The following HACL1 variants were observed in gnomAD, a reference collection of about 807,000 sequenced individuals.
The protein encoded by HACL1 is 1600020H07Rik.
Under a neutral mutation model 74.2 loss-of-function variants are expected in HACL1, and 64 were observed. That is an observed-to-expected ratio of 0.86 (90% CI 0.70 to 1.06). The LOEUF (loss-of-function observed/expected upper bound fraction) is 1.06. Ranked by LOEUF, HACL1 falls within the 50% of genes least tolerant of loss-of-function variation. HACL1 has a pLI of 0.00. For missense variants in HACL1, 728 were observed against 719.7 expected, an observed-to-expected ratio of 1.01 and a Z score of -0.13; for synonymous variants, 230 against 238.8, an observed-to-expected ratio of 0.96 and a Z score of 0.34.
intron 15 of HACL1, among the ~76,000 whole-genome samples, chr3:15,563,977 A>C (rs9834730): frequency 0.028 from 4,220 of 152,346 alleles, 203 homozygotes; most frequent in African/African-American, 0.094. Context: ...AAAACATGAA[A>C]AAAAAAGATT....
Position 15,567,842 on chromosome 3 carries a change from AC to A in HACL1, c.1409+1del, listed in dbSNP as rs778989081. 4 of 1,612,278 alleles carry A rather than the reference AC, an allele frequency of 2.5e-6. No homozygotes were observed. The South Asian group carries it at 4.4e-5, about 18-fold the overall frequency. The stretch of plus-strand genomic sequence containing the variant: ...ATGCTCTGATTCAGGATGATGTTTT[AC>A]CTGCAGATGGTTTCTACCTCCATGC... On this transcript the variant is annotated splice_donor_variant, in intron 14 of 16. Coordinates refer to ENST00000321169, the MANE Select transcript of HACL1 (RefSeq NM_012260.4). LOFTEE classifies it high-confidence loss of function.
chr3:15,583,638 C>CTT (rs562864590), intron 7 of HACL1, among the ~76,000 whole-genome samples: 1 of 143,874 alleles, frequency 7.0e-6, no homozygotes, highest in East Asian at 2.0e-4. Flanking sequence ...CCACATTTCT[C>CTT]TTTTTTTTTT....
chr3:15,585,435 T>A, intron 6 of HACL1, 93 bp from the exon 7 acceptor site: 1 of 746,234 alleles, frequency 1.3e-6, no homozygotes, highest in Non-Finnish European at 2.3e-6. Context: ...AATGAACACT[T>A]TTCATTTTTC....
intron 9 of HACL1, among the ~76,000 whole-genome samples, chr3:15,576,908 C>T (rs1277015231): frequency 1.3e-5 from 2 of 152,122 alleles, no homozygotes; most frequent in African/African-American, 4.8e-5. Flanking sequence ...AAACAGATAA[C>T]TGCAATCAGC....
rs1173923360 is a variant in HACL1 at position 15,601,366 on chromosome 3, A to G, written c.81+17T>C. ...AGCTTCCGTAGGAGCCTTTCATTCC[A>G]GGAAGGTCCATCGTACTTGCGTTTT... On this transcript the variant is annotated intron_variant, in intron 1 of 16. Transcript: ENST00000321169. The G allele has an allele frequency of 1.9e-6, 3 of 1,613,884 alleles. No individual in the cohort carries two copies. Among genetic ancestry groups the G allele is most frequent in the Middle Eastern group, 1.6e-4 (1 of 6,084 alleles).
chr3:15,601,409 C>G lies in HACL1; in HGVS notation c.55G>C (p.Val19Leu), dbSNP rs766614515. ...TGCGTTTTCAGGGCCTGAGCGATGA[C>G]TTTAGCACCAGACACCTGCTCCTCG... ...RSEEQVSGAK[V>L]IAQALKTQDV... The change falls in exon 1 of 17, where the codon GTC becomes CTC. Residue 19 changes from valine (V) to leucine (L), a missense_variant. Physicochemically the swap from Val to Leu is conservative, Grantham distance 32. Coordinates refer to ENST00000321169, the MANE Select transcript of HACL1 (RefSeq NM_012260.4). 6 of 1,614,114 alleles carry G rather than the reference C, an allele frequency of 3.7e-6. No homozygotes were observed. In the Admixed American group the frequency reaches 6.7e-5, roughly 18 times the overall value.
rs1329028293 is a variant in HACL1 at position 15,595,302 on chromosome 3, T to C, written c.227+1082A>G. 2.0e-5 allele frequency among the ~76,000 whole-genome samples: 3 copies of C among 152,328 alleles called. No individual in the cohort carries two copies. In the East Asian group the frequency reaches 5.8e-4, roughly 29 times the overall value. ...AGAAAACAGTGACAATAGTGTTACT[T>C]GATGGCCTATTTTTTTCAGGTTCAA... On this transcript the variant is annotated intron_variant, in intron 3 of 16. Coordinates refer to ENST00000321169, the MANE Select transcript of HACL1 (RefSeq NM_012260.4).
At chr3:15,572,501 C>A (rs2063552233) in intron 11 of HACL1, among the ~76,000 whole-genome samples, 1 of 152,200 alleles carries the variant, frequency 6.6e-6, no homozygotes, top group Admixed American at 6.5e-5. Flanking sequence ...ACTCCTTCCA[C>A]AGAACTCTTG....
Position 15,560,783 on chromosome 3 carries a change from CAGTAG to C in HACL1, c.*77_*81del. ...TTTATTTTATTTTGCACAATTTTAA[CAGTAG>C]AGTAATTTTGCTGTGGAAAATAAAA... On this transcript the variant is annotated 3_prime_UTR_variant, in exon 17 of 17. Transcript: ENST00000321169. 9.0e-6 allele frequency: 8 copies of C among 887,532 alleles called. No individual in the cohort carries two copies. Among genetic ancestry groups the C allele is most frequent in the Non-Finnish European group, 1.5e-5 (8 of 534,014 alleles). The allele number at this position is 887,532 out of a possible 1,614,324, so 55.0% of individuals were successfully genotyped here. A position where few individuals can be genotyped will look rare whatever the true frequency, so the allele number is the denominator to read the frequency against.
At position 15,575,058 on chromosome 3, in the gene HACL1, A is replaced by G; in HGVS notation, c.828T>C (p.Ile276=). The change falls in exon 10 of 17, where the codon ATT becomes ATC. Residue 276 remains isoleucine (I), a synonymous_variant. Coordinates refer to ENST00000321169, the MANE Select transcript of HACL1 (RefSeq NM_012260.4). ...AATTTAGTCTGGCACCAAATAACAC[A>G]ATTACATCAGCAAATTGCAAAGCCC... ...RSRALQFADV[I]VLFGARLNWI... 6 of 1,581,456 alleles carry G rather than the reference A, an allele frequency of 3.8e-6. No individual in the cohort carries two copies. The highest frequency in any genetic ancestry group is 5.2e-6 in the Non-Finnish European group (6 of 1,151,684).
intron 7 of HACL1, 109 bp from the exon 8 acceptor site, chr3:15,583,098 C>T: frequency 1.7e-6 from 1 of 605,108 alleles, no homozygotes; most frequent in Non-Finnish European, 3.0e-6. Context: ...AATCTCCATA[C>T]ACCCCCATGT....
intron 9 of HACL1, among the ~76,000 whole-genome samples, chr3:15,577,515 GC>G (rs2063647635): frequency 6.6e-6 from 1 of 151,618 alleles, no homozygotes. Context: ...CTTAGGCCAG[GC>G]ATGGTGGCTC....
At chr3:15,585,982 A>G (rs1458859760) in intron 6 of HACL1, among the ~76,000 whole-genome samples, 1 of 152,204 alleles carries the variant, frequency 6.6e-6, no homozygotes, top group Non-Finnish European at 1.5e-5. Context: ...GACTATGTGT[A>G]TAAGGTACAT....
At chr3:15,588,941 A>C (rs1311822518) in intron 5 of HACL1, among the ~76,000 whole-genome samples, 1 of 152,076 alleles carries the variant, frequency 6.6e-6, no homozygotes, top group Non-Finnish European at 1.5e-5. Context: ...TTTTATTCCT[A>C]CATCTTCTTG....
At chr3:15,566,293 T>A (rs1171097526) in intron 14 of HACL1, among the ~76,000 whole-genome samples, 2 of 152,090 alleles carry the variant, frequency 1.3e-5, no homozygotes, top group African/African-American at 2.4e-5. Context: ...AATTCATGAG[T>A]TTCTCCATGA....
chr3:15,597,134 G>C (rs1382434803), intron 2 of HACL1, among the ~76,000 whole-genome samples: 1 of 151,982 alleles, frequency 6.6e-6, no homozygotes, highest in Non-Finnish European at 1.5e-5. Flanking sequence ...TCCTGACATT[G>C]GTAATCTGTT....
At chr3:15,595,542 G>T (rs554211692) in intron 3 of HACL1, among the ~76,000 whole-genome samples, 2 of 151,094 alleles carry the variant, frequency 1.3e-5, no homozygotes, top group African/African-American at 4.9e-5. Flanking sequence ...GGAAAAAACT[G>T]GAAGAAAATG....
intron 11 of HACL1, among the ~76,000 whole-genome samples, chr3:15,572,176 G>A (rs1472102873): frequency 1.3e-5 from 2 of 152,004 alleles, no homozygotes; most frequent in Admixed American, 1.3e-4. Flanking sequence ...TATTAACACG[G>A]AAGTATCTTC....
chr3:15,589,759 G>C, intron 4 of HACL1, 147 bp from the exon 5 acceptor site: 1 of 624,260 alleles, frequency 1.6e-6, no homozygotes. Context: ...TTAAGGCTGG[G>C]TGAGGTGGCT....
Sources: gnomAD v4.1 joint callset for allele counts (sites outside exome capture counted in the v4.1 genomes callset) on GRCh38, gnomAD v4.1.1 for gene constraint, MANE v1.5 for transcripts, NCBI Gene and HGNC (gene_info 2026-07-23, HGNC 2026-07-21) for gene names.